MIB1: variants seen among roughly 807,000 people sequenced by gnomAD.
MIB1 encodes E3 ubiquitin-protein ligase MIB1.
A neutral mutation model predicts 124.5 loss-of-function variants in MIB1; 278 were observed. The ratio of observed to expected loss-of-function variants is 2.23; its 90% CI spans 2.02 to 2.47. The LOEUF (loss-of-function observed/expected upper bound fraction) is 2.47. Among genes scored for constraint, MIB1 ranks in the 30% most tolerant of loss-of-function variants. MIB1 has a pLI of 0.00. For missense variants in MIB1, 957 were observed against 1,254.4 expected (o/e 0.76, Z 3.58); for synonymous variants, 446 against 429.4 (o/e 1.04, Z -0.48).
chr18:21,736,017 C>T (rs541259653), upstream of MIB1, among the ~76,000 whole-genome samples: 128 of 152,356 alleles, frequency 8.4e-4, no homozygotes, highest in African/African-American at 2.8e-3. Flanking sequence ...GCACAGCGTT[C>T]GAGCTCTGAT....
chr18:21,725,790 G>A (rs2040739184), intron 1 of MIB1, among the ~76,000 whole-genome samples: 1 of 77,454 alleles, frequency 1.3e-5, no homozygotes, highest in Non-Finnish European at 2.3e-5. Flanking sequence ...AGAGAGGGAA[G>A]GAAGGAAGGA....
intron 3 of MIB1, among the ~76,000 whole-genome samples, chr18:21,770,073 A>G (rs1568194048): frequency 6.6e-6 from 1 of 152,134 alleles, no homozygotes; most frequent in African/African-American, 2.4e-5. Context: ...GCATGGTGGT[A>G]CATGCCTATA....
At chr18:21,794,444 T>C (rs1392121768) in intron 7 of MIB1, among the ~76,000 whole-genome samples, 1 of 120,592 alleles carries the variant, frequency 8.3e-6, no homozygotes, top group African/African-American at 3.9e-5. Context: ...TTAAATAGCC[T>C]CTCTCTCTCT....
chr18:21,784,617 T>A (rs916663953), intron 6 of MIB1, among the ~76,000 whole-genome samples: 3 of 152,230 alleles, frequency 2.0e-5, no homozygotes, highest in African/African-American at 7.2e-5. Flanking sequence ...ATTGTAATAA[T>A]CTTTGTTCTA....
chr18:21,709,368 C>G (rs1478717886), intron 1 of MIB1, among the ~76,000 whole-genome samples: 1 of 151,770 alleles, frequency 6.6e-6, no homozygotes, highest in Non-Finnish European at 1.5e-5. Context: ...TGACAATACT[C>G]CTGCTCTCTC....
chr18:21,836,637 A>G (rs1021943093), intron 12 of MIB1, among the ~76,000 whole-genome samples: 5 of 152,220 alleles, frequency 3.3e-5, no homozygotes, highest in African/African-American at 4.8e-5. Context: ...CAACATGATT[A>G]TATCACAATT....
At chr18:21,719,051 G>C (rs1219344161) in intron 1 of MIB1, among the ~76,000 whole-genome samples, 1 of 151,996 alleles carries the variant, frequency 6.6e-6, no homozygotes, top group Non-Finnish European at 1.5e-5. Flanking sequence ...AGCCGGGAGT[G>C]GTGGCGCATG....
chr18:21,729,873 T>C (rs1419636116), intron 1 of MIB1, among the ~76,000 whole-genome samples: 2 of 152,164 alleles, frequency 1.3e-5, no homozygotes, highest in East Asian at 1.9e-4. Flanking sequence ...TACTATCACA[T>C]TGGAGATTAA....
At chr18:21,850,938 C>T (rs1272246265) in intron 17 of MIB1, among the ~76,000 whole-genome samples, 1 of 152,092 alleles carries the variant, frequency 6.6e-6, no homozygotes, top group Non-Finnish European at 1.5e-5. Flanking sequence ...CCTATTTCAA[C>T]AAACCTTTAT....
intron 1 of MIB1, among the ~76,000 whole-genome samples, chr18:21,755,892 T>C (rs527855595): frequency 3.4e-4 from 52 of 152,372 alleles, no homozygotes; most frequent in African/African-American, 1.2e-3. Flanking sequence ...ATTGTCTTGA[T>C]GATAATTTTA....
At chr18:21,858,196 G>A (rs1217198244) in intron 19 of MIB1, among the ~76,000 whole-genome samples, 1 of 152,182 alleles carries the variant, frequency 6.6e-6, no homozygotes, top group Non-Finnish European at 1.5e-5. Flanking sequence ...TTACTTTCTT[G>A]GTTCATATGG....
chr18:21,745,442 C>A (rs978100384), intron 1 of MIB1, among the ~76,000 whole-genome samples: 4 of 152,256 alleles, frequency 2.6e-5, no homozygotes, highest in South Asian at 2.1e-4. Context: ...TGCCAGATGT[C>A]CCCTAGTGGG....
chr18:21,766,655 C>T (rs1181221474), intron 2 of MIB1, among the ~76,000 whole-genome samples: 2 of 123,296 alleles, frequency 1.6e-5, no homozygotes, highest in Non-Finnish European at 3.7e-5. Context: ...AGATCATAAT[C>T]GTGCCACTTA....
At chr18:21,755,136 T>C (rs75255817) in intron 1 of MIB1, among the ~76,000 whole-genome samples, 1 of 152,154 alleles carries the variant, frequency 6.6e-6, no homozygotes, top group Non-Finnish European at 1.5e-5. Context: ...TAGCTTGTCT[T>C]ATCATGTCTG....
intron 12 of MIB1, among the ~76,000 whole-genome samples, chr18:21,836,224 C>T (rs982561431): frequency 1.3e-5 from 2 of 151,132 alleles, no homozygotes; most frequent in African/African-American, 2.4e-5. Flanking sequence ...ACTAACTGCA[C>T]GCTAGCCTGG....
At chr18:21,791,194 A>C (rs1598612695) in intron 6 of MIB1, 180 bp from the exon 7 acceptor site, 1 of 458,088 alleles carries the variant, frequency 2.2e-6, no homozygotes, top group African/African-American at 2.0e-5. Context: ...AAAAAAAAAA[A>C]CAAAACAGAA....
chr18:21,736,533 G>A (rs1346231032), upstream of MIB1, among the ~76,000 whole-genome samples: 1 of 152,214 alleles, frequency 6.6e-6, no homozygotes, highest in African/African-American at 2.4e-5. Flanking sequence ...ATTGACAGAA[G>A]TAGGCTTCAG....
chr18:21,842,734 T>A (rs2042102562), intron 13 of MIB1, among the ~76,000 whole-genome samples: 1 of 152,216 alleles, frequency 6.6e-6, no homozygotes, highest in South Asian at 2.1e-4. Context: ...GTCATTAAAG[T>A]AAATCTAAAT....
chr18:21,838,658 G>C (rs556647283), intron 13 of MIB1, among the ~76,000 whole-genome samples, 161 bp downstream of exon 13: 2 of 152,114 alleles, frequency 1.3e-5, no homozygotes, highest in South Asian at 4.1e-4. Flanking sequence ...TCTGTCTTCT[G>C]CCTAATACTT....
Sources: allele counts gnomAD v4.1 joint callset (sites outside exome capture counted in the v4.1 genomes callset), GRCh38; gene constraint gnomAD v4.1.1; transcripts MANE v1.5; gene names NCBI Gene and HGNC (gene_info 2026-07-23, HGNC 2026-07-21).